The following WDR89 variants were observed in gnomAD, a reference collection of about 807,000 sequenced individuals.
WDR89 encodes WD repeat-containing protein 89.
WDR89 carries 17 observed loss-of-function variants against 29.1 expected under a neutral mutation model. That is an observed-to-expected ratio of 0.58 (90% CI 0.40 to 0.88). The LOEUF (loss-of-function observed/expected upper bound fraction) is 0.88. Among genes scored for constraint, WDR89 ranks in the 40% least tolerant of loss-of-function variants. The pLI is 0.00. For synonymous variants in WDR89, 138 were observed against 157.8 expected (o/e 0.87, Z 0.94); for missense variants, 396 against 456.3 (o/e 0.87, Z 1.20).
At chr14:63,605,457 T>C (rs1895278504) in intron 2 of WDR89, among the ~76,000 whole-genome samples, 1 of 151,958 alleles carries the variant, frequency 6.6e-6, no homozygotes, top group Admixed American at 6.6e-5. Context: ...AAAAGTCCAA[T>C]ACTATACTTT....
At chr14:63,600,830 T>C (rs1895032824) in intron 2 of WDR89, among the ~76,000 whole-genome samples, 1 of 148,656 alleles carries the variant, frequency 6.7e-6, no homozygotes, top group South Asian at 2.1e-4. Context: ...ACTGAAGTTG[T>C]ACATGGAATT....
chr14:63,623,708 A>T (rs1420273870), intron 2 of WDR89, among the ~76,000 whole-genome samples: 14 of 149,248 alleles, frequency 9.4e-5, no homozygotes, highest in African/African-American at 3.4e-4. Flanking sequence ...TGTCTCAAAA[A>T]AAAAAAAAAA....
intron 1 of WDR89, among the ~76,000 whole-genome samples, chr14:63,626,945 C>T (rs927999232): frequency 2.0e-5 from 3 of 151,758 alleles, no homozygotes; most frequent in Admixed American, 6.6e-5. Context: ...ACAAAGAGAA[C>T]CCGTCCTTAC....
intron 1 of WDR89, among the ~76,000 whole-genome samples, chr14:63,640,340 G>C (rs1000402882): frequency 2.0e-5 from 3 of 152,134 alleles, no homozygotes; most frequent in Non-Finnish European, 2.9e-5. Context: ...GTCAAGTTTG[G>C]TATTTATTTC....
intron 1 of WDR89, among the ~76,000 whole-genome samples, chr14:63,627,829 T>C (rs1406374609): frequency 6.6e-6 from 1 of 152,158 alleles, no homozygotes; most frequent in Non-Finnish European, 1.5e-5. Context: ...GGTACATGCC[T>C]GCAGTCCCAG....
intron 1 of WDR89, among the ~76,000 whole-genome samples, chr14:63,637,814 G>T (rs927735338): frequency 6.6e-6 from 1 of 151,848 alleles, no homozygotes; most frequent in African/African-American, 2.4e-5. Flanking sequence ...GGGGAGGGGG[G>T]GCAAGGGATT....
chr14:63,637,615 A>G (rs1458987533), intron 1 of WDR89, among the ~76,000 whole-genome samples: 2 of 152,220 alleles, frequency 1.3e-5, no homozygotes, highest in East Asian at 3.9e-4. Flanking sequence ...ATGGAATACT[A>G]CACAGCCATA....
At chr14:63,617,588 G>C (rs751897054) in intron 2 of WDR89, among the ~76,000 whole-genome samples, 14 of 152,002 alleles carry the variant, frequency 9.2e-5, no homozygotes, top group Non-Finnish European at 1.5e-4. Flanking sequence ...AGGTTCAAGC[G>C]ATACTCCTGC....
intron 2 of WDR89, among the ~76,000 whole-genome samples, chr14:63,617,281 A>G (rs1444897253): frequency 6.6e-6 from 1 of 151,972 alleles, no homozygotes; most frequent in African/African-American, 2.4e-5. Context: ...GGGTTTCACC[A>G]TGTTAGTCAG....
At chr14:63,637,101 G>C (rs1255754576) in intron 1 of WDR89, among the ~76,000 whole-genome samples, 1 of 152,148 alleles carries the variant, frequency 6.6e-6, no homozygotes, top group African/African-American at 2.4e-5. Flanking sequence ...TGTGGGCTAA[G>C]GACATGAAGA....
intron 2 of WDR89, chr14:63,601,360 G>T: frequency 1.8e-6 from 1 of 556,184 alleles, no homozygotes; most frequent in Non-Finnish European, 3.2e-6. Flanking sequence ...AGGCTTCACG[G>T]ACTGTGCTCT....
At chr14:63,617,173 C>T (rs1882374145) in intron 2 of WDR89, among the ~76,000 whole-genome samples, 2 of 150,666 alleles carry the variant, frequency 1.3e-5, no homozygotes, top group African/African-American at 4.9e-5. Context: ...CTCCACCTCC[C>T]AGGTACAAGC....
At chr14:63,630,120 G>C (rs1883302085) in intron 1 of WDR89, among the ~76,000 whole-genome samples, 1 of 151,808 alleles carries the variant, frequency 6.6e-6, no homozygotes, top group Non-Finnish European at 1.5e-5. Flanking sequence ...GCTAATTTTT[G>C]TATTTTTGGT....
chr14:63,634,952 C>T (rs1431109935), intron 1 of WDR89, among the ~76,000 whole-genome samples: 1 of 151,018 alleles, frequency 6.6e-6, no homozygotes, highest in Non-Finnish European at 1.5e-5. Context: ...GCAGGAGAAT[C>T]GCTTGAACCT....
chr14:63,599,787 G>C lies in WDR89; in HGVS notation c.156C>G (p.Ile52Met). 1 of 1,614,104 alleles carries C rather than the reference G, an allele frequency of 6.2e-7. No individual in the cohort carries two copies. Among genetic ancestry groups the C allele is most frequent in the Non-Finnish European group, 8.5e-7 (1 of 1,180,018 alleles). The change falls in exon 3 of 3, where the codon ATC (isoleucine) becomes ATG (methionine). Residue 52 changes from isoleucine (I) to methionine (M), a missense_variant. Transcript: ENST00000620954. ...LVAVLCSNGSIRIYDKERLNV... is the reference protein window; with the variant it reads ...LVAVLCSNGSMRIYDKERLNV... ...TTAACCTTTCTTTATCATATATTCTGATTGATCCATTAGAACATAAAACAG... is the reference window on the plus strand; with the variant it reads ...TTAACCTTTCTTTATCATATATTCTCATTGATCCATTAGAACATAAAACAG...
chr14:63,638,968 G>A (rs1426823772), intron 1 of WDR89, among the ~76,000 whole-genome samples: 2 of 152,050 alleles, frequency 1.3e-5, no homozygotes, highest in Admixed American at 6.6e-5. Context: ...TATCTGGGGG[G>A]GTCCTTAATA....
chr14:63,641,241 A>C (rs1419743339), intron 1 of WDR89: 1 of 152,288 alleles, frequency 6.6e-6, no homozygotes, highest in Non-Finnish European at 1.5e-5. Context: ...AGAAAACACA[A>C]GAATGAGTAA....
At chr14:63,607,114 C>A (rs754139759) in intron 2 of WDR89, among the ~76,000 whole-genome samples, 15 of 152,194 alleles carry the variant, frequency 9.9e-5, no homozygotes, top group Non-Finnish European at 1.6e-4. Context: ...AAAAGAGTTA[C>A]AATAAGCAAT....
At chr14:63,610,757 C>T (rs1287224781) in intron 2 of WDR89, among the ~76,000 whole-genome samples, 2 of 143,894 alleles carry the variant, frequency 1.4e-5, no homozygotes, top group African/African-American at 5.2e-5. Flanking sequence ...GGCTGGAGTG[C>T]AGTGGTGCAA....
Sources: gnomAD v4.1 joint callset for allele counts (sites outside exome capture counted in the v4.1 genomes callset) on GRCh38, gnomAD v4.1.1 for gene constraint, MANE v1.5 for transcripts, NCBI Gene and HGNC (gene_info 2026-07-23, HGNC 2026-07-21) for gene names.